CPNE3: variants seen among roughly 807,000 people sequenced by gnomAD.
CPNE3 encodes the protein copine 3.
Under a neutral mutation model 63.9 loss-of-function variants are expected in CPNE3, and 68 were observed. The ratio of observed to expected loss-of-function variants is 1.06; its 90% CI spans 0.87 to 1.30. The LOEUF is 1.30. CPNE3 is among the 50% of genes most tolerant of loss of function. The pLI is 0.00. For missense variants in CPNE3, 665 were observed against 578.1 expected, an observed-to-expected ratio of 1.15 and a Z score of -1.54; for synonymous variants, 219 against 197.5, an observed-to-expected ratio of 1.11 and a Z score of -0.91.
In CPNE3 at chr8:86,556,034, C is replaced by T. The variant is rs1309134372; in HGVS notation, c.1255-68C>T. 14 of 807,338 alleles carry T rather than the reference C, an allele frequency of 1.7e-5. No individual in the cohort carries two copies. In the East Asian group the frequency reaches 3.2e-4, roughly 18 times the overall value. The allele number at this position is 807,338 out of a possible 1,614,324, so 50.0% of individuals were successfully genotyped here. On this transcript the variant is annotated intron_variant, in intron 15 of 16. Coordinates refer to ENST00000517490, the MANE Select transcript of CPNE3 (RefSeq NM_003909.5). ...AATGAACAAGAAAGACTGGATGACTCATCAAGCCAGAGATGCCATTAGCCA... is the reference window on the plus strand; with the variant it reads ...AATGAACAAGAAAGACTGGATGACTTATCAAGCCAGAGATGCCATTAGCCA...
intron 8 of CPNE3, among the ~76,000 whole-genome samples, chr8:86,541,253 T>C (rs1237132567): frequency 1.3e-5 from 2 of 152,216 alleles, no homozygotes; most frequent in East Asian, 3.8e-4. Context: ...TCACATTTAC[T>C]TATTTATTTA....
At chr8:86,547,818 G>T in intron 11 of CPNE3, 48 bp downstream of exon 11, 1 of 882,392 alleles carries the variant, frequency 1.1e-6, no homozygotes, top group Non-Finnish European at 1.9e-6. Context: ...CCTCCATGTT[G>T]CAGTATATTT....
chr8:86,518,017 C>T (rs554847456), intron 2 of CPNE3, among the ~76,000 whole-genome samples: 1 of 152,306 alleles, frequency 6.6e-6, no homozygotes, highest in South Asian at 2.1e-4. Context: ...AACATCTCAA[C>T]AGCCTTTGCC....
chr8:86,538,133 G>A (rs567793330), intron 7 of CPNE3, among the ~76,000 whole-genome samples: 17 of 152,302 alleles, frequency 1.1e-4, no homozygotes, highest in Non-Finnish European at 2.4e-4. Context: ...CCAGCACTTT[G>A]GGAAGCCAAG....
chr8:86,549,104 G>A (rs1821117129), intron 12 of CPNE3, among the ~76,000 whole-genome samples: 1 of 152,082 alleles, frequency 6.6e-6, no homozygotes, highest in African/African-American at 2.4e-5. Flanking sequence ...TCCTGATGTA[G>A]CGTTAAGAGT....
At chr8:86,528,728 A>G in intron 3 of CPNE3, 51 bp downstream of exon 3, 1 of 1,547,522 alleles carries the variant, frequency 6.5e-7, no homozygotes, top group Non-Finnish European at 8.7e-7. Flanking sequence ...CCTTTTAACA[A>G]TGTGAAGAGT....
chr8:86,547,021 A>G (rs760133733), intron 10 of CPNE3, among the ~76,000 whole-genome samples: 1 of 152,202 alleles, frequency 6.6e-6, no homozygotes, highest in African/African-American at 2.4e-5. Context: ...AGCCTTGGCT[A>G]CTTATAATAT....
chr8:86,543,858 T>G (rs551742893), intron 8 of CPNE3, among the ~76,000 whole-genome samples: 1 of 152,122 alleles, frequency 6.6e-6, no homozygotes, highest in Non-Finnish European at 1.5e-5. Flanking sequence ...ACAATCACAG[T>G]CAATTTTCAG....
intron 2 of CPNE3, among the ~76,000 whole-genome samples, chr8:86,517,661 T>G (rs764459262): frequency 2.6e-5 from 4 of 152,216 alleles, no homozygotes; most frequent in Non-Finnish European, 5.9e-5. Context: ...CAGTACTTCT[T>G]GTTCTCCTTC....
intron 8 of CPNE3, among the ~76,000 whole-genome samples, chr8:86,542,222 A>G (rs576597324): frequency 1.3e-5 from 2 of 152,328 alleles, no homozygotes; most frequent in African/African-American, 4.8e-5. Flanking sequence ...GCAATATCAA[A>G]AAGTCATACA....
chr8:86,520,486 C>T (rs1027281221), intron 2 of CPNE3, among the ~76,000 whole-genome samples: 2 of 150,612 alleles, frequency 1.3e-5, no homozygotes, highest in Non-Finnish European at 3.0e-5. Flanking sequence ...ACCCAGGAGG[C>T]GGAGGTTGCA....
intron 14 of CPNE3, 187 bp downstream of exon 14, chr8:86,551,421 G>A (rs1821175493): frequency 3.5e-6 from 2 of 566,568 alleles, no homozygotes; most frequent in Admixed American, 3.3e-5. Context: ...TTGGTGGTTA[G>A]GGTGGTAATG....
intron 2 of CPNE3, among the ~76,000 whole-genome samples, chr8:86,517,135 G>GT (rs913907522): frequency 4.6e-5 from 7 of 151,926 alleles, no homozygotes; most frequent in East Asian, 1.9e-4. Flanking sequence ...TCGTATTGGG[G>GT]TTTTTTTTGG....
At position 86,529,009 on chromosome 8, in the gene CPNE3, A is replaced by G; in HGVS notation, c.197A>G (p.Asp66Gly). Residue 66 changes from aspartate (D) to glycine (G), a missense_variant, in exon 4 of 17, where the codon GAT becomes GGT. Physicochemically the swap from Asp to Gly is moderately conservative, Grantham distance 94 (BLOSUM62 -1). Coordinates refer to ENST00000517490, the MANE Select transcript of CPNE3 (RefSeq NM_003909.5). ...CAATTTTCCAAGACATTTATTATTGATTACTACTTTGAAGTGGTTCAGAAA... is the reference window on the plus strand; with the variant it reads ...CAATTTTCCAAGACATTTATTATTGGTTACTACTTTGAAGTGGTTCAGAAA... Reference protein sequence around the residue: ...NPQFSKTFIIDYYFEVVQKLK... With the variant: ...NPQFSKTFIIGYYFEVVQKLK... The G allele has an allele frequency of 6.2e-7, 1 of 1,613,796 alleles. No individual in the cohort carries two copies. Among genetic ancestry groups the G allele is most frequent in the Non-Finnish European group, 8.5e-7 (1 of 1,179,780 alleles).
At chr8:86,545,978 T>C (rs1175004378) in intron 9 of CPNE3, among the ~76,000 whole-genome samples, 1 of 151,954 alleles carries the variant, frequency 6.6e-6, no homozygotes. Flanking sequence ...GGAGAACAAC[T>C]TGAGCCAAGC....
At position 86,559,192 on chromosome 8, in the gene CPNE3, A is replaced by G. The variant is rs905404571; in HGVS notation, c.*782A>G. 35 of 152,002 alleles carry G rather than the reference A, an allele frequency of 2.3e-4. No homozygotes were observed. The highest frequency in any genetic ancestry group is 7.0e-4 in the African/African-American group (29 of 41,346). 9.4% of individuals were successfully genotyped at this position (152,002 alleles called of 1,614,324 possible). ...GAGCAAGACTTTCAGGATATTGTAG[A>G]TGCACAGATGGTAGGTTGTCCTGAA... On this transcript the variant is annotated 3_prime_UTR_variant, in exon 17 of 17. Coordinates refer to ENST00000517490, the MANE Select transcript of CPNE3 (RefSeq NM_003909.5).
chr8:86,550,756 A>G (rs1262869953), intron 12 of CPNE3, among the ~76,000 whole-genome samples: 1 of 152,238 alleles, frequency 6.6e-6, no homozygotes, highest in Non-Finnish European at 1.5e-5. Flanking sequence ...TGATCACTGA[A>G]ATGATACACA....
rs373768364 is a variant in CPNE3 at position 86,548,439 on chromosome 8, G to A, written c.1013+5G>A. ...GGTCATTCAAGATTATGATGCGTGAGTATGACTTTGGAAAAACTAAAATAC... is the reference window on the plus strand; with the variant it reads ...GGTCATTCAAGATTATGATGCGTGAATATGACTTTGGAAAAACTAAAATAC... On this transcript the variant is annotated splice_donor_5th_base_variant and intron_variant, in intron 12 of 16. Coordinates refer to ENST00000517490, the MANE Select transcript of CPNE3 (RefSeq NM_003909.5). The A allele has an allele frequency of 1.2e-6, 2 of 1,613,538 alleles. No individual in the cohort carries two copies. The highest frequency in any genetic ancestry group is 1.7e-6 in the Non-Finnish European group (2 of 1,179,872).
In CPNE3 at chr8:86,560,334, T is replaced by C. The variant is rs947875742; in HGVS notation, c.*1924T>C. 2 of 152,148 alleles carry C rather than the reference T, an allele frequency of 1.3e-5. No individual in the cohort carries two copies. Among genetic ancestry groups the C allele is most frequent in the African/African-American group, 4.8e-5 (2 of 41,440 alleles). 9.4% of individuals were successfully genotyped at this position (152,148 alleles called of 1,614,324 possible). ...AGCCTTTTAAAAAATGACTTACACA[T>C]ATTCTCAATGTACAGTAAAACAGAC... is the stretch of plus-strand genomic sequence containing the variant. On this transcript the variant is annotated 3_prime_UTR_variant, in exon 17 of 17. Coordinates refer to ENST00000517490, the MANE Select transcript of CPNE3 (RefSeq NM_003909.5).
Sources: allele counts gnomAD v4.1 joint callset (sites outside exome capture counted in the v4.1 genomes callset), GRCh38; gene constraint gnomAD v4.1.1; transcripts MANE v1.5; gene names NCBI Gene and HGNC (gene_info 2026-07-23, HGNC 2026-07-21).